WDPCP: variants seen among roughly 807,000 people sequenced by gnomAD.
WDPCP encodes WD repeat-containing and planar cell polarity effector protein fritz homolog.
WDPCP carries 71 observed loss-of-function variants against 93.1 expected under a neutral mutation model. The observed-to-expected ratio is 0.76, with a 90% CI of 0.63 to 0.93. The LOEUF (loss-of-function observed/expected upper bound fraction) is 0.93, where lower values mean the gene tolerates loss of function less well. WDPCP is among the 40% of genes least tolerant of loss of function. The pLI is 0.00. For missense variants in WDPCP, 844 were observed against 887.4 expected (o/e 0.95, Z 0.62); for synonymous variants, 315 against 315.0 (o/e 1.00, Z 0.00).
intron 8 of WDPCP, among the ~76,000 whole-genome samples, chr2:63,435,767 T>C (rs1558632117): frequency 6.6e-6 from 1 of 152,112 alleles, no homozygotes. Flanking sequence ...ATTAAAAATA[T>C]ACATTTTAAA....
In WDPCP at chr2:63,699,783, T is replaced by C. The variant is rs187571411; in HGVS notation, n.309-48945A>G. On this transcript the variant is annotated intron_variant and non_coding_transcript_variant, in intron 2 of 4. Coordinates refer to the WDPCP transcript ENST00000467687. ...GATTGCCATCGATTGTAACATGCAC[T>C]CTGATTTCAGAGGTGTTTCAAAGGT... 1.7e-4 allele frequency among the ~76,000 whole-genome samples: 26 copies of C among 152,342 alleles called. No individual in the cohort carries two copies. In the East Asian group the frequency reaches 5.0e-3, roughly 29 times the overall value.
chr2:63,595,565 A>G (rs1425576337), intron 3 of WDPCP: 3 of 1,217,684 alleles, frequency 2.5e-6, no homozygotes, highest in Admixed American at 3.6e-5. Flanking sequence ...TTGATTTCTT[A>G]CAAAATACAG....
intron 17 of WDPCP, among the ~76,000 whole-genome samples, chr2:63,130,507 G>T (rs1378806609): frequency 6.6e-6 from 1 of 152,026 alleles, no homozygotes; most frequent in Non-Finnish European, 1.5e-5. Context: ...TTTGATTACT[G>T]TAGCTTTGTA....
chr2:63,320,830 A>G (rs1451880573), intron 12 of WDPCP, among the ~76,000 whole-genome samples: 2 of 152,156 alleles, frequency 1.3e-5, no homozygotes, highest in Admixed American at 6.5e-5. Flanking sequence ...CTGAATTGCA[A>G]CTACATCCAT....
chr2:63,753,213 C>T (rs953153520), intron 2 of WDPCP, among the ~76,000 whole-genome samples: 1 of 151,924 alleles, frequency 6.6e-6, no homozygotes, highest in Non-Finnish European at 1.5e-5. Context: ...GGGCGGGTCA[C>T]CAAGGTCAGT....
intron 12 of WDPCP, among the ~76,000 whole-genome samples, chr2:63,330,261 G>C (rs762563862): frequency 2.4e-4 from 36 of 152,042 alleles, no homozygotes; most frequent in Non-Finnish European, 4.9e-4. Context: ...TTGACTTTTT[G>C]GTTAGTAGGT....
intron 12 of WDPCP, among the ~76,000 whole-genome samples, chr2:63,314,899 A>G (rs1006523841): frequency 2.0e-5 from 3 of 152,150 alleles, no homozygotes; most frequent in Non-Finnish European, 4.4e-5. Context: ...GAAATTGGAG[A>G]GAGTGAAATT....
At chr2:63,643,564 C>A in intron 3 of WDPCP, 1 of 431,296 alleles carries the variant, frequency 2.3e-6, no homozygotes, top group South Asian at 1.9e-5. Context: ...CCAAACCAAT[C>A]TGAATCTGTT....
intron 9 of WDPCP, among the ~76,000 whole-genome samples, chr2:63,412,869 T>C (rs1054731721): frequency 1.8e-4 from 28 of 151,948 alleles, no homozygotes; most frequent in African/African-American, 6.8e-4. Flanking sequence ...AAAGAAATCA[T>C]AGATGACACA....
At chr2:63,245,501 A>G (rs1443789125) in intron 14 of WDPCP, among the ~76,000 whole-genome samples, 1 of 152,188 alleles carries the variant, frequency 6.6e-6, no homozygotes, top group Non-Finnish European at 1.5e-5. Context: ...AATGACTTGT[A>G]TACACAGGAG....
chr2:63,622,973 G>A (rs1454653357), intron 3 of WDPCP: 3 of 679,514 alleles, frequency 4.4e-6, no homozygotes, highest in African/African-American at 1.8e-5. Flanking sequence ...CGGCGCCCAA[G>A]CAGCTGCTGC....
intron 1 of WDPCP, among the ~76,000 whole-genome samples, chr2:63,556,253 T>G (rs1025040261): frequency 6.6e-6 from 1 of 152,172 alleles, no homozygotes; most frequent in Non-Finnish European, 1.5e-5. Flanking sequence ...ATTTCAGAGC[T>G]TGAAGACTAT....
chr2:63,476,266 GT>G (rs1699966794), intron 6 of WDPCP, among the ~76,000 whole-genome samples: 1 of 152,020 alleles, frequency 6.6e-6, no homozygotes. Context: ...AACATTCAAA[GT>G]CCCCGACGAG....
chr2:63,721,935 T>C (rs1299950109), intron 2 of WDPCP, among the ~76,000 whole-genome samples: 2 of 150,844 alleles, frequency 1.3e-5, no homozygotes, highest in African/African-American at 4.9e-5. Flanking sequence ...TTCGCTGTGT[T>C]GGCCAGGCCG....
chr2:63,672,961 C>G (rs935916725), intron 2 of WDPCP, among the ~76,000 whole-genome samples: 1 of 151,978 alleles, frequency 6.6e-6, no homozygotes. Context: ...CTGTGTTGCC[C>G]AGGTTGGTCT....
intron 13 of WDPCP, among the ~76,000 whole-genome samples, chr2:63,305,339 G>T (rs1451994195): frequency 6.6e-6 from 1 of 152,046 alleles, no homozygotes; most frequent in Non-Finnish European, 1.5e-5. Context: ...CCTCATACAA[G>T]AGAGCTCCTG....
At chr2:63,419,978 C>A (rs1449984129) in intron 9 of WDPCP, among the ~76,000 whole-genome samples, 2 of 152,126 alleles carry the variant, frequency 1.3e-5, no homozygotes, top group Non-Finnish European at 2.9e-5. Flanking sequence ...AAGTTCTTAG[C>A]TTATCAGCAG....
chr2:63,466,404 T>C (rs1380080115), intron 6 of WDPCP, among the ~76,000 whole-genome samples: 1 of 152,184 alleles, frequency 6.6e-6, no homozygotes, highest in East Asian at 1.9e-4. Context: ...CATATATATA[T>C]ATAAAACGTA....
chr2:63,772,767 C>A (rs1053357786), intron 2 of WDPCP, among the ~76,000 whole-genome samples: 2 of 151,954 alleles, frequency 1.3e-5, no homozygotes, highest in Non-Finnish European at 2.9e-5. Flanking sequence ...AAAACAACAG[C>A]AACCTCATAA....
Sources: gnomAD v4.1 joint callset for allele counts (sites outside exome capture counted in the v4.1 genomes callset) on GRCh38, gnomAD v4.1.1 for gene constraint, MANE v1.5 for transcripts, NCBI Gene and HGNC (gene_info 2026-07-23, HGNC 2026-07-21) for gene names.